Variants in ADORA2B observed in about 807,000 individuals in gnomAD.
ADORA2B encodes adenosine A2b receptor, also known as adenosine receptor A2b.
Under a neutral mutation model 20.8 loss-of-function variants are expected in ADORA2B, and 18 were observed. The ratio of observed to expected loss-of-function variants is 0.87; its 90% CI spans 0.60 to 1.29. The LOEUF is 1.29. Ranked by LOEUF, ADORA2B falls within the 50% of genes most tolerant of loss-of-function variation. ADORA2B has a pLI of 0.00. For synonymous variants in ADORA2B, 179 were observed against 178.3 expected (o/e 1.00, Z -0.03); for missense variants, 441 against 422.7 (o/e 1.04, Z -0.38).
the ADORA2B span, among the ~76,000 whole-genome samples, chr17:15,907,197 C>T: frequency 3.3e-5 from 5 of 151,100 alleles, no homozygotes; most frequent in South Asian, 2.1e-4. Context: ...ACTTTCTATC[C>T]TTGTATACTG....
chr17:15,948,035 C>A (rs1969832061), intron 1 of ADORA2B, among the ~76,000 whole-genome samples: 1 of 152,090 alleles, frequency 6.6e-6, no homozygotes, highest in African/African-American at 2.4e-5. Flanking sequence ...TGGAAGTGCC[C>A]TGTTTGGGAG....
At chr17:15,895,780 G>A in the ADORA2B span, among the ~76,000 whole-genome samples, 3 of 152,106 alleles carry the variant, frequency 2.0e-5, no homozygotes, top group Admixed American at 1.3e-4. Flanking sequence ...GAGAGCATTC[G>A]GGCCCTTGGT....
At chr17:15,865,068 ACTT>A in the ADORA2B span, among the ~76,000 whole-genome samples, 1 of 151,894 alleles carries the variant, frequency 6.6e-6, no homozygotes, top group African/African-American at 2.4e-5. Flanking sequence ...AGCCTCCAAA[ACTT>A]CTCCAAATAT....
chr17:15,966,448 G>C (rs1366558551), intron 1 of ADORA2B, among the ~76,000 whole-genome samples: 1 of 152,214 alleles, frequency 6.6e-6, no homozygotes. Flanking sequence ...GGAGCACCTT[G>C]AGAGCTGGGA....
At chr17:15,921,030 A>C in the ADORA2B span, among the ~76,000 whole-genome samples, 1 of 152,240 alleles carries the variant, frequency 6.6e-6, no homozygotes, top group Non-Finnish European at 1.5e-5. Context: ...GTCCAAGAAC[A>C]TGTGCCAGGC....
chr17:15,931,758 G>A, the ADORA2B span, among the ~76,000 whole-genome samples: 2 of 151,746 alleles, frequency 1.3e-5, no homozygotes, highest in Non-Finnish European at 2.9e-5. Flanking sequence ...TTTTGAGATA[G>A]GGTCTCACTG....
chr17:15,915,959 C>T, the ADORA2B span, among the ~76,000 whole-genome samples: 5 of 152,182 alleles, frequency 3.3e-5, no homozygotes, highest in African/African-American at 1.2e-4. Context: ...AACCGTCACA[C>T]AAGCTGAAGA....
the ADORA2B span, among the ~76,000 whole-genome samples, chr17:15,894,293 C>CA: frequency 6.6e-6 from 1 of 152,190 alleles, no homozygotes; most frequent in Non-Finnish European, 1.5e-5. Flanking sequence ...GATAAGTCGT[C>CA]AAAGAGCCCA....
the ADORA2B span, among the ~76,000 whole-genome samples, chr17:15,927,355 C>T: frequency 2.6e-5 from 4 of 152,066 alleles, no homozygotes; most frequent in South Asian, 2.1e-4. Context: ...TGGTGGCACG[C>T]GCCTGTAGTC....
intron 1 of ADORA2B, among the ~76,000 whole-genome samples, chr17:15,953,295 C>T (rs564088046): frequency 6.6e-6 from 1 of 152,318 alleles, no homozygotes; most frequent in East Asian, 1.9e-4. Flanking sequence ...CTGGTGAGTC[C>T]ATGAATGAGT....
At chr17:15,932,812 G>T in the ADORA2B span, among the ~76,000 whole-genome samples, 1 of 151,976 alleles carries the variant, frequency 6.6e-6, no homozygotes, top group African/African-American at 2.4e-5. Context: ...CTATATGTCT[G>T]CCCTTATGCC....
At chr17:15,862,159 C>A in the ADORA2B span, among the ~76,000 whole-genome samples, 25 of 151,066 alleles carry the variant, frequency 1.7e-4, no homozygotes, top group African/African-American at 5.8e-4. Context: ...CACCTGGCAG[C>A]ATTGACAGCT....
At chr17:15,969,337 C>T (rs1970159568) in intron 1 of ADORA2B, among the ~76,000 whole-genome samples, 1 of 151,984 alleles carries the variant, frequency 6.6e-6, no homozygotes, top group South Asian at 2.1e-4. Flanking sequence ...GCCTGTAGTC[C>T]CAGCTACTCG....
At chr17:15,917,464 C>A in the ADORA2B span, among the ~76,000 whole-genome samples, 1 of 152,208 alleles carries the variant, frequency 6.6e-6, no homozygotes, top group African/African-American at 2.4e-5. Context: ...GGGCTGCGGC[C>A]GCCCATCCTG....
the ADORA2B span, among the ~76,000 whole-genome samples, chr17:15,866,956 C>T: frequency 5.3e-5 from 8 of 152,252 alleles, no homozygotes; most frequent in East Asian, 1.2e-3. Flanking sequence ...GACTGGTTTT[C>T]GTATTTTTTT....
rs377134806 is a variant in ADORA2B at position 15,974,790 on chromosome 17, T to A, written c.447T>A (p.Ser149Arg). 1.4e-5 allele frequency: 22 copies of A among 1,613,422 alleles called. No homozygotes were observed. The highest frequency in any genetic ancestry group is 2.7e-5 in the African/African-American group (2 of 74,624). ...TPFLGWNSKDSATNNCTEPWD... is the reference protein window; with the variant it reads ...TPFLGWNSKDRATNNCTEPWD... The stretch of plus-strand genomic sequence containing the variant: ...TCCTGGGGTGGAACAGTAAAGACAG[T>A]GCCACCAACAACTGCACAGAACCCT... The change falls in exon 2 of 2, where the codon AGT (serine) becomes AGA (arginine). Residue 149 changes from serine to arginine, a missense_variant. Ser to Arg is a moderately radical substitution (Grantham distance 110, BLOSUM62 -1). Coordinates refer to ENST00000304222, the MANE Select transcript of ADORA2B (RefSeq NM_000676.4).
At chr17:15,874,280 A>G in the ADORA2B span, among the ~76,000 whole-genome samples, 53 of 151,966 alleles carry the variant, frequency 3.5e-4, 1 homozygote, top group Non-Finnish European at 7.4e-5. Context: ...TGGGTATGCA[A>G]AGGCATACAG....
At chr17:15,914,190 TA>T in the ADORA2B span, among the ~76,000 whole-genome samples, 1 of 151,992 alleles carries the variant, frequency 6.6e-6, no homozygotes, top group Non-Finnish European at 1.5e-5. Context: ...GAAGAAAAAA[TA>T]AGGTTAATTC....
chr17:15,926,295 C>T, the ADORA2B span, among the ~76,000 whole-genome samples: 1 of 151,850 alleles, frequency 6.6e-6, no homozygotes, highest in East Asian at 1.9e-4. Context: ...GGGACGCAGA[C>T]AAGAAACAGC....
Sources: gnomAD v4.1 joint callset for allele counts (sites outside exome capture counted in the v4.1 genomes callset) on GRCh38, gnomAD v4.1.1 for gene constraint, MANE v1.5 for transcripts, NCBI Gene and HGNC (gene_info 2026-07-23, HGNC 2026-07-21) for gene names.